Variants in C11orf54 observed in about 807,000 individuals in gnomAD.
C11orf54 encodes beta-keto-L-gulonate decarboxylase.
C11orf54 carries 29 observed loss-of-function variants against 35.5 expected under a neutral mutation model. That is an observed-to-expected ratio of 0.82 (90% CI 0.61 to 1.11). The LOEUF is 1.11. Among genes scored for constraint, C11orf54 ranks in the 50% most tolerant of loss-of-function variants. The pLI is 0.00. For synonymous variants in C11orf54, 108 were observed against 121.1 expected, an observed-to-expected ratio of 0.89 and a Z score of 0.71; for missense variants, 373 against 369.2, an observed-to-expected ratio of 1.01 and a Z score of -0.08.
Position 93,750,404 on chromosome 11 carries a change from C to T in C11orf54, c.114C>T (p.Cys38=), listed in dbSNP as rs1157105790. The T allele has an allele frequency of 6.2e-7, 1 of 1,613,606 alleles. No homozygotes were observed. Among genetic ancestry groups the T allele is most frequent in the South Asian group, 1.1e-5 (1 of 91,066 alleles). The part of the protein sequence containing the change: ...FADVQVSVVD[C]PDLTKEPFTF... Reference sequence around the variant, plus strand: ...ATGTCCAGGTCTCTGTAGTTGATTGCCCTGATTTGACTAAGGAACCCTTTA... The same window carrying T: ...ATGTCCAGGTCTCTGTAGTTGATTGTCCTGATTTGACTAAGGAACCCTTTA... The change falls in exon 3 of 9, where the codon TGC becomes TGT. Residue 38 remains cysteine, a synonymous_variant. Transcript: ENST00000354421.
intron 7 of C11orf54, among the ~76,000 whole-genome samples, chr11:93,758,215 T>G (rs1438848035): frequency 6.6e-6 from 1 of 152,114 alleles, no homozygotes. Flanking sequence ...GGGTGGGAGC[T>G]GAAGACAGGT....
At chr11:93,751,389 C>G (rs1321613093) in intron 3 of C11orf54, among the ~76,000 whole-genome samples, 2 of 136,900 alleles carry the variant, frequency 1.5e-5, no homozygotes, top group Non-Finnish European at 3.0e-5. Flanking sequence ...TAGCATAGTA[C>G]TTTTTTATAG....
chr11:93,757,576 C>A, intron 7 of C11orf54, 111 bp downstream of exon 7: 3 of 1,218,408 alleles, frequency 2.5e-6, no homozygotes, highest in Non-Finnish European at 3.4e-6. Flanking sequence ...GTTGCCCATG[C>A]TGGAGTGTAG....
intron 6 of C11orf54, 101 bp from the exon 7 acceptor site, chr11:93,757,215 A>C: frequency 7.5e-7 from 1 of 1,329,078 alleles, no homozygotes; most frequent in Non-Finnish European, 1.0e-6. Flanking sequence ...CTCTAAGCAA[A>C]GAACAGAATA....
In C11orf54 at chr11:93,750,367, A is replaced by G; in HGVS notation, c.77A>G (p.Asp26Gly). 6 of 1,613,754 alleles carry G rather than the reference A, an allele frequency of 3.7e-6. No homozygotes were observed. Among genetic ancestry groups the G allele is most frequent in the Non-Finnish European group, 5.1e-6 (6 of 1,179,772 alleles). Residue 26 changes from aspartate to glycine, a missense_variant, in exon 3 of 9, where the codon GAT (aspartate) becomes GGT (glycine). By Grantham distance (94) the Asp-to-Gly change is moderately conservative. Coordinates refer to ENST00000354421, the MANE Select transcript of C11orf54 (RefSeq NM_001286069.2). Reference protein sequence around the residue: ...LAGVMQKGLKDNFADVQVSVV... With the variant: ...LAGVMQKGLKGNFADVQVSVV... ...TTAGTTATGCAGAAGGGGTTAAAAGATAACTTTGCTGATGTCCAGGTCTCT... is the reference window on the plus strand; with the variant it reads ...TTAGTTATGCAGAAGGGGTTAAAAGGTAACTTTGCTGATGTCCAGGTCTCT...
Position 93,755,224 on chromosome 11 carries a change from T to G in C11orf54, c.345T>G (p.Ile115Met), listed in dbSNP as rs1943068919. ...LGFNSEFMPV[I>M]QTESEHKPPV... is the part of the protein sequence containing the mutation. Reference sequence around the variant, plus strand: ...TTTCTTTTCAGTTTATGCCAGTTATTCAGACAGAAAGTGAACACAAGCCTC... The same window carrying G: ...TTTCTTTTCAGTTTATGCCAGTTATGCAGACAGAAAGTGAACACAAGCCTC... The change falls in exon 6 of 9, where the codon ATT becomes ATG. Residue 115 changes from isoleucine to methionine, a missense_variant. Coordinates refer to ENST00000354421, the MANE Select transcript of C11orf54 (RefSeq NM_001286069.2). 1.2e-6 allele frequency: 2 copies of G among 1,613,890 alleles called. No individual in the cohort carries two copies. Among genetic ancestry groups the G allele is most frequent in the Non-Finnish European group, 1.7e-6 (2 of 1,179,926 alleles).
rs1428184203 is a variant in C11orf54, at chr11:93,763,191, G to A, written c.*1503G>A. ...CTCTCTGGAGTGTACACTTCATGTGGGCAAGGGCCTTGTTCACGACTGTAG... is the reference window on the plus strand; with the variant it reads ...CTCTCTGGAGTGTACACTTCATGTGAGCAAGGGCCTTGTTCACGACTGTAG... On this transcript the variant is annotated 3_prime_UTR_variant, in exon 9 of 9. Transcript: ENST00000354421. The A allele has an allele frequency of 6.6e-6, 1 of 152,128 alleles. No homozygotes were observed. Among genetic ancestry groups the A allele is most frequent in the Non-Finnish European group, 1.5e-5 (1 of 68,028 alleles). The allele number at this position is 152,128 out of a possible 1,614,324, so 9.4% of individuals were successfully genotyped here.
At chr11:93,747,266 A>T (rs184882590) in intron 1 of C11orf54, 31 bp from the exon 2 acceptor site, 1 of 590,772 alleles carries the variant, frequency 1.7e-6, no homozygotes, top group Non-Finnish European at 2.8e-6. Context: ...TGTTCTGTTT[A>T]TATGTTTGAA....
intron 3 of C11orf54, among the ~76,000 whole-genome samples, chr11:93,752,982 G>A (rs978523757): frequency 3.3e-5 from 5 of 151,662 alleles, no homozygotes; most frequent in African/African-American, 4.8e-5. Flanking sequence ...TCCTGACCTC[G>A]TGATGTTTTG....
In C11orf54 at chr11:93,743,119, G is replaced by A. The variant is rs186791404; in HGVS notation, c.-98+1391G>A. Among the ~76,000 whole-genome samples the A allele has an allele frequency of 2.6e-3, 395 of 151,516 alleles. 1 individual carries two copies. The highest frequency in any genetic ancestry group is 9.2e-3 in the African/African-American group (378 of 41,236). Reference sequence around the variant, plus strand: ...GGGCTCAAGAGATCCACCCACCTCAGCTTCCCAAGTAGCTGGGACTACACG... The same window carrying A: ...GGGCTCAAGAGATCCACCCACCTCAACTTCCCAAGTAGCTGGGACTACACG... On this transcript the variant is annotated intron_variant, in intron 1 of 8. Coordinates refer to ENST00000354421, the MANE Select transcript of C11orf54 (RefSeq NM_001286069.2).
In C11orf54 at chr11:93,755,350, G is replaced by A; in HGVS notation, c.471G>A (p.Leu157=). The change falls in exon 6 of 9, where the codon CTG becomes CTA. Residue 157 remains leucine, a synonymous_variant. Coordinates refer to ENST00000354421, the MANE Select transcript of C11orf54 (RefSeq NM_001286069.2). ...EKCHDFQCAL[L]ANLFASEGQP... ...GTCATGATTTTCAGTGTGCATTACT[G>A]GCTAATCTTTTTGCCAGTGAAGGCC... 1 of 1,614,112 alleles carries A rather than the reference G, an allele frequency of 6.2e-7. No individual in the cohort carries two copies. Among genetic ancestry groups the A allele is most frequent in the Non-Finnish European group, 8.5e-7 (1 of 1,180,014 alleles).
At chr11:93,753,192 G>A (rs1337686541) in intron 3 of C11orf54, among the ~76,000 whole-genome samples, 1 of 152,148 alleles carries the variant, frequency 6.6e-6, no homozygotes, top group South Asian at 2.1e-4. Context: ...GGCCAGGCTG[G>A]TCTCGAACTC....
At chr11:93,759,720 A>T (rs114849161) in intron 7 of C11orf54, 22 bp from the exon 8 acceptor site, 2 of 1,328,632 alleles carry the variant, frequency 1.5e-6, no homozygotes, top group East Asian at 4.6e-5. Context: ...ATGTTTACCT[A>T]TGTAATTATC....
chr11:93,756,009 A>C (rs931855037), intron 6 of C11orf54, among the ~76,000 whole-genome samples: 1 of 152,088 alleles, frequency 6.6e-6, no homozygotes, highest in Admixed American at 6.5e-5. Context: ...TCTACTAAAA[A>C]TACAAAAATT....
chr11:93,757,363 G>A lies in C11orf54; in HGVS notation c.555G>A (p.Val185=), dbSNP rs762763791. The A allele has an allele frequency of 6.3e-7, 1 of 1,598,246 alleles. No homozygotes were observed. The highest frequency in any genetic ancestry group is 2.2e-5 in the East Asian group (1 of 44,864). ...AKRRTGPLNF[V]TCMRETLEKH... ...GAAGAACTGGACCACTTAACTTTGT[G>A]ACTTGTATGAGAGAGACCCTGGAAA... Residue 185 remains valine (V), a synonymous_variant, in exon 7 of 9, where the codon GTG becomes GTA. Transcript: ENST00000354421.
chr11:93,761,652 TCAAC>T lies in C11orf54; in HGVS notation c.916_919del (p.Pro306LysfsTer25), dbSNP rs750840177. ...CTGCAGAGTTTCTCTATCGCATTGA[TCAAC>T]CAAAAGAGACGCATTCAATTGGGCG... On this transcript the variant is annotated frameshift_variant, in exon 9 of 9. Transcript: ENST00000354421. LOFTEE classifies it high-confidence loss of function. 5.6e-6 allele frequency: 9 copies of T among 1,610,946 alleles called. No individual in the cohort carries two copies. The South Asian group carries it at 6.6e-5, about 12-fold the overall frequency.
intron 3 of C11orf54, among the ~76,000 whole-genome samples, chr11:93,752,959 G>A (rs1942925109): frequency 6.6e-6 from 1 of 151,974 alleles, no homozygotes; most frequent in Non-Finnish European, 1.5e-5. Context: ...TGTTAGCCAG[G>A]ATGGTCGCGA....
chr11:93,747,982 A>G (rs911826950), intron 2 of C11orf54, among the ~76,000 whole-genome samples: 3 of 152,224 alleles, frequency 2.0e-5, no homozygotes, highest in Admixed American at 2.0e-4. Flanking sequence ...CGAGTACAAA[A>G]ATGAAGCCAG....
At chr11:93,745,587 C>T (rs1942417889) in intron 1 of C11orf54, among the ~76,000 whole-genome samples, 3 of 152,306 alleles carry the variant, frequency 2.0e-5, no homozygotes, top group South Asian at 2.1e-4. Flanking sequence ...CAGATCAAAA[C>T]GGAGTTTCTT....
Sources: allele counts gnomAD v4.1 joint callset (sites outside exome capture counted in the v4.1 genomes callset), GRCh38; gene constraint gnomAD v4.1.1; transcripts MANE v1.5; gene names NCBI Gene and HGNC (gene_info 2026-07-23, HGNC 2026-07-21).